PEAK1: variants seen among roughly 807,000 people sequenced by gnomAD.
PEAK1 encodes pseudopodium enriched atypical kinase 1, also known as inactive tyrosine-protein kinase PEAK1.
Under a neutral mutation model 124.7 loss-of-function variants are expected in PEAK1, and 54 were observed. That is an observed-to-expected ratio of 0.43 (90% CI 0.35 to 0.54). The LOEUF (loss-of-function observed/expected upper bound fraction) is 0.54. Ranked by LOEUF, PEAK1 falls within the 20% of genes least tolerant of loss-of-function variation. The pLI is 0.01. For missense variants in PEAK1, 2,046 were observed against 2,134.5 expected (o/e 0.96, Z 0.82); for synonymous variants, 719 against 760.0 (o/e 0.95, Z 0.89).
chr15:77,180,016 A>G lies in PEAK1; in HGVS notation c.1911T>C (p.Asn637=), dbSNP rs2057147054. The change falls in exon 7 of 10, where the codon AAT becomes AAC. Residue 637 remains asparagine (N), a synonymous_variant. Coordinates refer to ENST00000682557, the MANE Select transcript of PEAK1 (RefSeq NM_001385026.1). ...CCAGAAAACTTTTGTAGATAGCTAGATTGTCATATGCATTTGGATTGATAA... is the reference window on the plus strand; with the variant it reads ...CCAGAAAACTTTTGTAGATAGCTAGGTTGTCATATGCATTTGGATTGATAA... ...PIVINPNAYD[N]LAIYKSFLGT... The G allele has an allele frequency of 6.2e-7, 1 of 1,614,088 alleles. No individual in the cohort carries two copies. Among genetic ancestry groups the G allele is most frequent in the African/African-American group, 1.3e-5 (1 of 75,024 alleles).
Position 77,264,885 on chromosome 15 carries a change from T to C in PEAK1, c.-274-12359A>G, listed in dbSNP as rs1457742833. Among the ~76,000 whole-genome samples, 5 of 151,972 alleles carry C rather than the reference T, an allele frequency of 3.3e-5. No individual in the cohort carries two copies. The South Asian group carries it at 6.2e-4, about 19-fold the overall frequency. On this transcript the variant is annotated intron_variant, in intron 5 of 9. Coordinates refer to ENST00000682557, the MANE Select transcript of PEAK1 (RefSeq NM_001385026.1). Reference sequence around the variant, plus strand: ...CAAGGCTACAGTAACCAAAACAGCATGGTACTGGTACCAAAACAGAGATAT... The same window carrying C: ...CAAGGCTACAGTAACCAAAACAGCACGGTACTGGTACCAAAACAGAGATAT...
chr15:77,222,289 A>G (rs528214060), intron 6 of PEAK1, among the ~76,000 whole-genome samples: 1 of 152,146 alleles, frequency 6.6e-6, no homozygotes, highest in South Asian at 2.1e-4. Context: ...CTGCCTTACA[A>G]ATGAAATGCC....
intron 5 of PEAK1, among the ~76,000 whole-genome samples, chr15:77,263,241 A>T (rs1256573755): frequency 6.6e-6 from 1 of 152,228 alleles, no homozygotes; most frequent in Non-Finnish European, 1.5e-5. Flanking sequence ...GAAGGCAAGA[A>T]ATAACTAAGA....
chr15:77,394,986 T>C (rs1192791021), intron 1 of PEAK1, among the ~76,000 whole-genome samples: 1 of 152,186 alleles, frequency 6.6e-6, no homozygotes, highest in Non-Finnish European at 1.5e-5. Flanking sequence ...ATAACTCCTA[T>C]GTACCCATAA....
intron 5 of PEAK1, among the ~76,000 whole-genome samples, chr15:77,269,361 G>A (rs2061908114): frequency 6.6e-6 from 1 of 152,124 alleles, no homozygotes; most frequent in Non-Finnish European, 1.5e-5. Flanking sequence ...GCAAGCAGGA[G>A]TAGCTATTCT....
intron 1 of PEAK1, among the ~76,000 whole-genome samples, chr15:77,406,551 A>C (rs556297058): frequency 2.2e-4 from 34 of 152,332 alleles, no homozygotes; most frequent in African/African-American, 8.2e-4. Context: ...AAACAAAATA[A>C]AATACTTAGG....
At chr15:77,106,359 CTATT>C (rs199656352), downstream of PEAK1, 16,193 of 151,832 alleles carry the variant, frequency 0.11, 1,118 homozygotes, top group Non-Finnish European at 0.16. Flanking sequence ...ACATAAGTGA[CTATT>C]TATTTATTTA....
chr15:77,146,349 C>A (rs1280374466), intron 8 of PEAK1, among the ~76,000 whole-genome samples: 3 of 152,108 alleles, frequency 2.0e-5, no homozygotes, highest in Admixed American at 6.5e-5. Flanking sequence ...ATAAAACGAA[C>A]CTGATTTCCA....
intron 6 of PEAK1, among the ~76,000 whole-genome samples, chr15:77,199,866 G>C (rs1370419756): frequency 6.6e-6 from 1 of 152,166 alleles, no homozygotes. Context: ...CCAGTAGAAG[G>C]ATTCTGACGA....
intron 2 of PEAK1, chr15:77,334,353 C>G (rs2066067883): frequency 1.0e-6 from 1 of 985,284 alleles, no homozygotes; most frequent in Non-Finnish European, 1.2e-6. Flanking sequence ...GGTCCTGACA[C>G]CAGAAGGAAG....
At position 77,115,271 on chromosome 15, in the gene PEAK1, C is replaced by T. The variant is rs368378615; in HGVS notation, c.4126G>A (p.Ala1376Thr). Residue 1376 changes from alanine (A) to threonine (T), a missense_variant, in exon 10 of 10, where the codon GCT becomes ACT. By Grantham distance (58) the Ala-to-Thr change is moderately conservative (BLOSUM62 0). Transcript: ENST00000682557. The stretch of plus-strand genomic sequence containing the variant: ...TGGACAGCCAGACTCTGCCGGACAG[C>T]CAAGCTGTGATAATACTGCTGAGAT... ...KESQQYYHSL[A>T]VRQSLAVHFN... is the part of the protein sequence containing the mutation. 3.9e-5 allele frequency: 63 copies of T among 1,614,034 alleles called. No homozygotes were observed. Among genetic ancestry groups the T allele is most frequent in the Non-Finnish European group, 5.2e-5 (61 of 1,180,016 alleles).
intron 8 of PEAK1, among the ~76,000 whole-genome samples, chr15:77,153,233 G>A (rs984764723): frequency 5.3e-5 from 8 of 152,200 alleles, no homozygotes; most frequent in East Asian, 3.9e-4. Context: ...TGTATGTGTC[G>A]AGGAATTTAT....
intron 6 of PEAK1, among the ~76,000 whole-genome samples, chr15:77,190,156 T>C (rs1200056653): frequency 1.3e-5 from 2 of 152,218 alleles, no homozygotes; most frequent in Non-Finnish European, 2.9e-5. Flanking sequence ...AAAGAAATTT[T>C]ACCTTTCCCA....
At chr15:77,403,692 A>C in intron 1 of PEAK1, 3 of 913,734 alleles carry the variant, frequency 3.3e-6, no homozygotes, top group Non-Finnish European at 2.6e-6. Context: ...TTTGACAATC[A>C]AAACCATATT....
chr15:77,370,096 C>T (rs895434420), intron 1 of PEAK1, among the ~76,000 whole-genome samples: 2 of 152,152 alleles, frequency 1.3e-5, no homozygotes, highest in African/African-American at 4.8e-5. Context: ...CCCACTTCAT[C>T]TCCCTCTACT....
intron 7 of PEAK1, among the ~76,000 whole-genome samples, chr15:77,174,268 G>C (rs1373770020): frequency 6.6e-6 from 1 of 152,168 alleles, no homozygotes; most frequent in Non-Finnish European, 1.5e-5. Context: ...CTGGCCTTTA[G>C]TACAGTATTT....
chr15:77,198,535 T>C (rs1375905013), intron 6 of PEAK1, among the ~76,000 whole-genome samples: 1 of 152,136 alleles, frequency 6.6e-6, no homozygotes, highest in African/African-American at 2.4e-5. Flanking sequence ...AGGACCAGTA[T>C]AAAAAACAGA....
At chr15:77,203,269 T>C (rs1185937525) in intron 6 of PEAK1, among the ~76,000 whole-genome samples, 1 of 151,988 alleles carries the variant, frequency 6.6e-6, no homozygotes, top group Non-Finnish European at 1.5e-5. Context: ...GAAAAAAATC[T>C]GCATGTAAGT....
At chr15:77,353,853 A>T (rs2067343294) in intron 2 of PEAK1, among the ~76,000 whole-genome samples, 1 of 152,272 alleles carries the variant, frequency 6.6e-6, no homozygotes, top group Non-Finnish European at 1.5e-5. Context: ...CAAAGATCAA[A>T]CATAGGATGC....
Sources: allele counts gnomAD v4.1 joint callset (sites outside exome capture counted in the v4.1 genomes callset), GRCh38; gene constraint gnomAD v4.1.1; transcripts MANE v1.5; gene names NCBI Gene and HGNC (gene_info 2026-07-23, HGNC 2026-07-21).